The following COL4A1 variants were observed in gnomAD, a reference collection of about 807,000 sequenced individuals.
The protein encoded by COL4A1 is collagen alpha-1(IV) chain.
COL4A1 carries 40 observed loss-of-function variants against 216.6 expected under a neutral mutation model. That is an observed-to-expected ratio of 0.18 (90% CI 0.14 to 0.24). The LOEUF (loss-of-function observed/expected upper bound fraction) is 0.24. Ranked by LOEUF, COL4A1 falls within the 10% of genes least tolerant of loss-of-function variation. The probability of loss-of-function intolerance (pLI) is 1.00; values close to 1 mark genes in which losing one functional copy is unlikely to be tolerated. For missense variants in COL4A1, 1,628 were observed against 2,196.8 expected, an observed-to-expected ratio of 0.74 and a Z score of 5.18; for synonymous variants, 839 against 810.7, an observed-to-expected ratio of 1.03 and a Z score of -0.59.
At position 110,246,153 on chromosome 13, in the gene COL4A1, A is replaced by C. The variant is rs565922387; in HGVS notation, c.85-3419T>G. Among the ~76,000 whole-genome samples the C allele has an allele frequency of 2.7e-3, 407 of 152,182 alleles. 11 individuals carry two copies. The highest frequency in any genetic ancestry group is 0.025 in the Admixed American group (378 of 15,288). On this transcript the variant is annotated intron_variant, in intron 1 of 51. Coordinates refer to ENST00000375820, the MANE Select transcript of COL4A1 (RefSeq NM_001845.6). ...ATGTAAATGGTTTTGTTAAAAAAAA[A>C]AAACAAAAAAGCTAGCCTTTAGAAT...
chr13:110,151,428 C>T (rs1876492569), intron 51 of COL4A1, among the ~76,000 whole-genome samples: 1 of 152,210 alleles, frequency 6.6e-6, no homozygotes, highest in South Asian at 2.1e-4. Context: ...GCATGGATGT[C>T]AAGTTTCCAG....
chr13:110,195,234 C>G (rs1387612249), intron 21 of COL4A1, 116 bp from the exon 22 acceptor site: 2 of 854,454 alleles, frequency 2.3e-6, no homozygotes, highest in Non-Finnish European at 3.9e-6. Flanking sequence ...GTTAGAAATT[C>G]AGCTTTAGTT....
Position 110,211,546 on chromosome 13 carries a change from C to T in COL4A1, c.468+101G>A. ...TTAGGGAAGTGTGTTCAGAAACAAT[C>T]GATCAGCCAAAGTGGTTTAAAGAGA... On this transcript the variant is annotated intron_variant, in intron 8 of 51. Transcript: ENST00000375820. The surrounding 1 kb of genome is among the most constrained non-coding windows in gnomAD (Gnocchi z 4.3). 2.6e-6 allele frequency: 3 copies of T among 1,141,438 alleles called. No homozygotes were observed. Among genetic ancestry groups the T allele is most frequent in the Non-Finnish European group, 3.8e-6 (3 of 787,096 alleles). The allele number at this position is 1,141,438 out of a possible 1,614,324, so 70.7% of individuals were successfully genotyped here.
chr13:110,293,776 C>T (rs1341784790), intron 1 of COL4A1, among the ~76,000 whole-genome samples: 1 of 152,220 alleles, frequency 6.6e-6, no homozygotes, highest in Non-Finnish European at 1.5e-5. Flanking sequence ...TCACATTATA[C>T]CCTTTCCCTT....
chr13:110,208,715 A>C, intron 12 of COL4A1, 134 bp downstream of exon 12: 1 of 877,808 alleles, frequency 1.1e-6, no homozygotes, highest in South Asian at 1.3e-5. Flanking sequence ...GAAAACACTA[A>C]CTACCAAATG....
In COL4A1 at chr13:110,187,408, T is replaced by C. The variant is rs567472188; in HGVS notation, c.1537-79A>G. The C allele has an allele frequency of 4.1e-5, 63 of 1,541,182 alleles. No homozygotes were observed. The South Asian group carries it at 5.4e-4, about 13-fold the overall frequency. ...AGTGTGACTGTAACACAAGCAACCATAGAATCAAGAAGCCACCTTCTTGAA... is the reference window on the plus strand; with the variant it reads ...AGTGTGACTGTAACACAAGCAACCACAGAATCAAGAAGCCACCTTCTTGAA... On this transcript the variant is annotated intron_variant, in intron 24 of 51. Transcript: ENST00000375820.
chr13:110,306,508 T>C (rs1392603027), intron 1 of COL4A1, among the ~76,000 whole-genome samples: 3 of 152,142 alleles, frequency 2.0e-5, no homozygotes, highest in Non-Finnish European at 4.4e-5. Flanking sequence ...TCCCAGGGGC[T>C]AGGAGCTCGG....
chr13:110,224,475 A>T (rs1166614329), intron 2 of COL4A1, among the ~76,000 whole-genome samples: 3 of 152,138 alleles, frequency 2.0e-5, no homozygotes, highest in African/African-American at 7.2e-5. Context: ...GACGTGCACC[A>T]TCATGCCTGG....
rs769744358 is a variant in COL4A1, at chr13:110,170,719, C to T, written c.3570G>A (p.Glu1190=). 1.2e-6 allele frequency: 2 copies of T among 1,614,218 alleles called. No individual in the cohort carries two copies. The highest frequency in any genetic ancestry group is 1.7e-5 in the Admixed American group (1 of 60,034). The change falls in exon 42 of 52, where the codon GAG becomes GAA. Residue 1190 remains glutamate, a synonymous_variant. Transcript: ENST00000375820. ...GAKGDKGSKG[E]VGFPGLAGSP... ...TCCCGGCTAATCCTGGGAAACCCAC[C>T]TCACCCTTTGAACCTGAACAAGAAA...
intron 4 of COL4A1, 67 bp from the exon 5 acceptor site, chr13:110,212,685 TC>T: frequency 6.4e-7 from 1 of 1,572,410 alleles, no homozygotes; most frequent in Non-Finnish European, 8.7e-7. Context: ...CTCCTGCATC[TC>T]CCCGGTTAAT....
chr13:110,306,841 C>A lies in COL4A1; in HGVS notation c.84+103G>T, dbSNP rs1328222283. The A allele has an allele frequency of 4.9e-5, 55 of 1,114,782 alleles. No individual in the cohort carries two copies. The East Asian group carries it at 1.7e-3, about 34-fold the overall frequency. 69.1% of individuals were successfully genotyped at this position (1,114,782 alleles called of 1,614,324 possible). ...ATGCACCTGGCCGTGCCACGCGCGA[C>A]CCCCGAGGGGCAGGCGGACGGGTCC... is the stretch of plus-strand genomic sequence containing the variant. On this transcript the variant is annotated intron_variant, in intron 1 of 51. Coordinates refer to ENST00000375820, the MANE Select transcript of COL4A1 (RefSeq NM_001845.6).
chr13:110,299,227 G>A (rs578236403), intron 1 of COL4A1, among the ~76,000 whole-genome samples: 1 of 152,338 alleles, frequency 6.6e-6, no homozygotes, highest in African/African-American at 2.4e-5. Context: ...CGGCCTCAGT[G>A]AAAGAAGTCG....
At chr13:110,270,864 A>G (rs1350078969) in intron 1 of COL4A1, among the ~76,000 whole-genome samples, 1 of 152,070 alleles carries the variant, frequency 6.6e-6, no homozygotes, top group Non-Finnish European at 1.5e-5. Context: ...GTTTTTCCAT[A>G]GAAGGGTCCA....
chr13:110,201,984 A>G (rs1021650469), intron 18 of COL4A1, among the ~76,000 whole-genome samples: 1 of 152,198 alleles, frequency 6.6e-6, no homozygotes, highest in Admixed American at 6.5e-5. Flanking sequence ...TCTGTCTCAA[A>G]CAAAGAAACA....
intron 18 of COL4A1, among the ~76,000 whole-genome samples, chr13:110,202,094 T>C (rs1192646707): frequency 6.6e-6 from 1 of 152,220 alleles, no homozygotes; most frequent in Non-Finnish European, 1.5e-5. Context: ...TGTAATAGTT[T>C]GCCTGGCAGC....
At chr13:110,305,122 C>T (rs1884632202) in intron 1 of COL4A1, among the ~76,000 whole-genome samples, 1 of 152,182 alleles carries the variant, frequency 6.6e-6, no homozygotes, top group Admixed American at 6.5e-5. Context: ...GCACATTAAG[C>T]ACTTTTCTCT....
Position 110,179,163 on chromosome 13 carries a change from C to T in COL4A1, c.2344+108G>A, listed in dbSNP as rs542135481. On this transcript the variant is annotated intron_variant, in intron 30 of 51. Coordinates refer to ENST00000375820, the MANE Select transcript of COL4A1 (RefSeq NM_001845.6). Reference sequence around the variant, plus strand: ...AGCTCTAGGCCTCTAAGATTTGCATCGTTCGTTCAACAAATACATATCAAA... The same window carrying T: ...AGCTCTAGGCCTCTAAGATTTGCATTGTTCGTTCAACAAATACATATCAAA... 1.4e-3 allele frequency: 2,116 copies of T among 1,563,854 alleles called. 3 individuals carry two copies. The highest frequency in any genetic ancestry group is 1.5e-3 in the Non-Finnish European group (1,732 of 1,135,512).
At chr13:110,160,400 G>A (rs976663210) in intron 49 of COL4A1, among the ~76,000 whole-genome samples, 6 of 85,396 alleles carry the variant, frequency 7.0e-5, no homozygotes, top group Admixed American at 1.2e-4. Flanking sequence ...CCGAGATTGC[G>A]CCACTGCAGT....
chr13:110,212,643 G>T, intron 4 of COL4A1, 25 bp from the exon 5 acceptor site: 1 of 1,613,208 alleles, frequency 6.2e-7, no homozygotes, highest in Non-Finnish European at 8.5e-7. Context: ...GTAAAAGCGT[G>T]TCAGTGAAGA....
Sources: allele counts gnomAD v4.1 joint callset (sites outside exome capture counted in the v4.1 genomes callset), GRCh38; gene constraint gnomAD v4.1.1; non-coding constraint Gnocchi (gnomAD v3.1); transcripts MANE v1.5; gene names NCBI Gene and HGNC (gene_info 2026-07-23, HGNC 2026-07-21).